Variants in TMPRSS15 observed in about 807,000 individuals in gnomAD.
TMPRSS15 encodes transmembrane serine protease 15, also known as enteropeptidase.
In TMPRSS15, 128 loss-of-function variants were observed where a neutral mutation model predicts 125.3. The ratio of observed to expected loss-of-function variants is 1.02; its 90% CI spans 0.89 to 1.18. TMPRSS15 has a LOEUF of 1.18. Among genes scored for constraint, TMPRSS15 ranks in the 50% most tolerant of loss-of-function variants. The pLI, the probability that TMPRSS15 is intolerant of heterozygous loss-of-function variation, is 0.00. For synonymous variants in TMPRSS15, 446 were observed against 423.2 expected, an observed-to-expected ratio of 1.05 and a Z score of -0.66; for missense variants, 1,283 against 1,212.7, an observed-to-expected ratio of 1.06 and a Z score of -0.86.
intron 7 of TMPRSS15, among the ~76,000 whole-genome samples, chr21:18,363,584 TGAAA>T (rs777100170): frequency 2.6e-5 from 4 of 152,222 alleles, no homozygotes; most frequent in Non-Finnish European, 4.4e-5. Flanking sequence ...CCATTTTCAG[TGAAA>T]GATATTTAAG....
chr21:18,390,507 T>C (rs1247828729), intron 3 of TMPRSS15, among the ~76,000 whole-genome samples: 4 of 152,226 alleles, frequency 2.6e-5, no homozygotes, highest in Non-Finnish European at 5.9e-5. Context: ...AGTTAGGTTC[T>C]GAAAATACAG....
At chr21:18,351,769 G>A (rs550466154) in intron 10 of TMPRSS15, among the ~76,000 whole-genome samples, 4 of 152,214 alleles carry the variant, frequency 2.6e-5, no homozygotes, top group Non-Finnish European at 4.4e-5. Flanking sequence ...AAGAGACTAG[G>A]TTTTTGTTCC....
At position 18,438,165 on chromosome 21, in the gene TMPRSS15, T is replaced by C. The variant is rs983339061; in HGVS notation, c.11-39836A>G. Reference sequence around the variant, plus strand: ...GCAGCCATAAAAAATGATGAGTTCATGTCCTTTGTAGGGACATGGATGAAA... The same window carrying C: ...GCAGCCATAAAAAATGATGAGTTCACGTCCTTTGTAGGGACATGGATGAAA... On this transcript the variant is annotated intron_variant, in intron 1 of 7. Transcript: ENST00000422787. Among the ~76,000 whole-genome samples the C allele has an allele frequency of 9.9e-5, 15 of 151,186 alleles. 1 individual carries two copies. Among genetic ancestry groups the C allele is most frequent in the African/African-American group, 3.6e-4 (15 of 41,170 alleles).
At chr21:18,292,513 G>T (rs2074850571) in intron 21 of TMPRSS15, among the ~76,000 whole-genome samples, 1 of 152,192 alleles carries the variant, frequency 6.6e-6, no homozygotes, top group Non-Finnish European at 1.5e-5. Flanking sequence ...AAAGCTATGA[G>T]ATTGGTATCA....
At chr21:18,424,982 T>A (rs1036172443) in intron 1 of TMPRSS15, among the ~76,000 whole-genome samples, 8 of 149,980 alleles carry the variant, frequency 5.3e-5, no homozygotes, top group African/African-American at 1.7e-4. Context: ...TATGATATAA[T>A]AATTTTATGA....
At chr21:18,396,792 AT>A (rs2076042632) in intron 3 of TMPRSS15, among the ~76,000 whole-genome samples, 1 of 112,792 alleles carries the variant, frequency 8.9e-6, no homozygotes, top group Non-Finnish European at 1.8e-5. Context: ...AAAAAAAAAA[AT>A]CTGTCTGTCT....
rs975739124 is a variant in TMPRSS15, at chr21:18,359,858, T to G, written c.779A>C (p.Asn260Thr). 6.8e-7 allele frequency: 1 copy of G among 1,470,838 alleles called. No homozygotes were observed. The allele number at this position is 1,470,838 out of a possible 1,614,324, so 91.1% of individuals were successfully genotyped here. A position where few individuals can be genotyped will look rare whatever the true frequency, so the allele number is the denominator to read the frequency against. ...GCTCAGTTTAATGGAAAGTCCTTGG[T>G]TTACACTAAATTAAAAGCAAAAAAT... ...SVVCQWIIRV[N>T]QGLSIKLSFD... is the part of the protein sequence containing the mutation. The change falls in exon 8 of 25, where the codon AAC becomes ACC. Residue 260 changes from asparagine (N) to threonine (T), a missense_variant. Coordinates refer to ENST00000284885, the MANE Select transcript of TMPRSS15 (RefSeq NM_002772.3).
At chr21:18,438,149 A>T (rs1234781227) in intron 1 of TMPRSS15, among the ~76,000 whole-genome samples, 1 of 151,130 alleles carries the variant, frequency 6.6e-6, no homozygotes, top group East Asian at 1.9e-4. Context: ...TGCAGCCATA[A>T]AAAATGATGA....
intron 3 of TMPRSS15, among the ~76,000 whole-genome samples, chr21:18,390,568 G>C (rs1004945643): frequency 6.6e-6 from 1 of 152,142 alleles, no homozygotes; most frequent in African/African-American, 2.4e-5. Context: ...CTAGTAAGGA[G>C]ATAGACAAAT....
chr21:18,358,582 CATT>C (rs1569030917), intron 8 of TMPRSS15, among the ~76,000 whole-genome samples: 1 of 151,512 alleles, frequency 6.6e-6, no homozygotes, highest in Non-Finnish European at 1.5e-5. Context: ...TATATATACT[CATT>C]ATGATATTTT....
intron 24 of TMPRSS15, among the ~76,000 whole-genome samples, chr21:18,270,988 G>A (rs989011265): frequency 3.3e-5 from 5 of 152,086 alleles, no homozygotes; most frequent in African/African-American, 7.2e-5. Flanking sequence ...ATCCCAGCTC[G>A]ATGCTAGAAA....
chr21:18,430,528 C>G (rs2076214368), intron 1 of TMPRSS15, among the ~76,000 whole-genome samples: 1 of 151,942 alleles, frequency 6.6e-6, no homozygotes, highest in Admixed American at 6.6e-5. Flanking sequence ...TTCAGCTTGT[C>G]CAACTAGTGT....
chr21:18,354,829 A>G (rs898986598), intron 8 of TMPRSS15, among the ~76,000 whole-genome samples: 4 of 151,856 alleles, frequency 2.6e-5, no homozygotes, highest in Non-Finnish European at 5.9e-5. Flanking sequence ...ATTCAGGCCT[A>G]TAAAAAATAC....
At chr21:18,319,140 T>C (rs561255207) in intron 16 of TMPRSS15, among the ~76,000 whole-genome samples, 3 of 152,180 alleles carry the variant, frequency 2.0e-5, no homozygotes, top group Non-Finnish European at 4.4e-5. Context: ...TAAATTTCAA[T>C]AGTGGTTAAG....
intron 23 of TMPRSS15, among the ~76,000 whole-genome samples, chr21:18,278,499 C>G (rs1433177197): frequency 6.6e-6 from 1 of 152,098 alleles, no homozygotes; most frequent in Non-Finnish European, 1.5e-5. Context: ...GCAGGCGGAT[C>G]ACGAGGTCAG....
At chr21:18,294,793 T>A in intron 19 of TMPRSS15, 141 bp from the exon 20 acceptor site, 1 of 751,642 alleles carries the variant, frequency 1.3e-6, no homozygotes, top group Non-Finnish European at 2.3e-6. Flanking sequence ...GACTGAATTG[T>A]AAGCCGAAGA....
intron 13 of TMPRSS15, 64 bp from the exon 14 acceptor site, chr21:18,332,237 T>C (rs572801317): frequency 7.3e-7 from 1 of 1,378,730 alleles, no homozygotes; most frequent in East Asian, 2.3e-5. Flanking sequence ...GATAATACCA[T>C]ATGCCAGCGA....
Position 18,459,268 on chromosome 21 carries a change from C to T in TMPRSS15, c.10+26531G>A, listed in dbSNP as rs1601469968. Among the ~76,000 whole-genome samples, 4 of 146,236 alleles carry T rather than the reference C, an allele frequency of 2.7e-5. No individual in the cohort carries two copies. The Middle Eastern group carries it at 0.011, about 389-fold the overall frequency. ...TGTTCCAGTTATCAACAGGTCTACTCTTTTTTTTTTTTCTTTTTCTTTTGA... is the reference window on the plus strand; with the variant it reads ...TGTTCCAGTTATCAACAGGTCTACTTTTTTTTTTTTTTCTTTTTCTTTTGA... On this transcript the variant is annotated intron_variant, in intron 1 of 7. Transcript: ENST00000422787.
At chr21:18,301,748 T>C (rs980077929) in intron 18 of TMPRSS15, among the ~76,000 whole-genome samples, 3 of 152,208 alleles carry the variant, frequency 2.0e-5, no homozygotes, top group Admixed American at 2.0e-4. Flanking sequence ...CCATATAGCA[T>C]TACCTTGTTG....
Sources: allele counts gnomAD v4.1 joint callset (sites outside exome capture counted in the v4.1 genomes callset), GRCh38; gene constraint gnomAD v4.1.1; transcripts MANE v1.5; gene names NCBI Gene and HGNC (gene_info 2026-07-23, HGNC 2026-07-21).